Variants in RBFOX1 observed in about 807,000 individuals in gnomAD.
The protein encoded by RBFOX1 is RNA binding fox-1 homolog 1.
RBFOX1 carries 8 observed loss-of-function variants against 57.7 expected under a neutral mutation model. The observed-to-expected ratio is 0.14, with a 90% CI of 0.08 to 0.25. The LOEUF (loss-of-function observed/expected upper bound fraction) is 0.25. RBFOX1 is among the 10% of genes least tolerant of loss of function. RBFOX1 has a pLI of 1.00. For synonymous variants in RBFOX1, 326 were observed against 222.4 expected, an observed-to-expected ratio of 1.47 and a Z score of -4.15; for missense variants, 611 against 548.5, an observed-to-expected ratio of 1.11 and a Z score of -1.14.
chr16:6,710,407 C>A lies in RBFOX1; in HGVS notation c.-16+55757C>A, dbSNP rs945077453. 2.0e-5 allele frequency among the ~76,000 whole-genome samples: 3 copies of A among 152,094 alleles called. 1 individual carries two copies. In the East Asian group the frequency reaches 5.8e-4, roughly 29 times the overall value. ...AAGCATGATCATTTCAGCGTGTGATCAATATAAAAGATATTTTACATTCTT... is the reference window on the plus strand; with the variant it reads ...AAGCATGATCATTTCAGCGTGTGATAAATATAAAAGATATTTTACATTCTT... On this transcript the variant is annotated intron_variant, in intron 3 of 15. Coordinates refer to ENST00000550418, the MANE Select transcript of RBFOX1 (RefSeq NM_018723.4).
intron 4 of RBFOX1, among the ~76,000 whole-genome samples, chr16:7,447,422 G>C (rs1197121417): frequency 9.0e-6 from 1 of 110,698 alleles, no homozygotes; most frequent in Non-Finnish European, 1.7e-5. Context: ...AACCGAGTGA[G>C]TCTATCTCAA....
At chr16:5,725,619 G>C (rs2052119820) in intron 3 of RBFOX1, among the ~76,000 whole-genome samples, 1 of 151,278 alleles carries the variant, frequency 6.6e-6, no homozygotes, top group South Asian at 2.1e-4. Context: ...TTCTGCTTGA[G>C]TCTGCAAGAG....
intron 2 of RBFOX1, among the ~76,000 whole-genome samples, chr16:6,339,946 G>C (rs923080929): frequency 5.3e-5 from 8 of 151,940 alleles, no homozygotes; most frequent in African/African-American, 1.9e-4. Flanking sequence ...TAAAGTGCTG[G>C]GATTACAGGC....
chr16:5,415,474 G>A (rs1038967269), intron 1 of RBFOX1, among the ~76,000 whole-genome samples: 21 of 152,270 alleles, frequency 1.4e-4, no homozygotes, highest in South Asian at 6.2e-4. Flanking sequence ...CATATCACAC[G>A]GTGATGGAGC....
intron 10 of RBFOX1, among the ~76,000 whole-genome samples, chr16:7,629,362 A>G (rs1191325407): frequency 6.6e-6 from 1 of 152,146 alleles, no homozygotes; most frequent in Non-Finnish European, 1.5e-5. Context: ...GCATAGAACC[A>G]TTCCCTAGGG....
chr16:6,195,283 A>G (rs935489272), intron 1 of RBFOX1, among the ~76,000 whole-genome samples: 1 of 152,174 alleles, frequency 6.6e-6, no homozygotes, highest in East Asian at 1.9e-4. Context: ...GTCTTATTAT[A>G]GCATTTGTGC....
intron 4 of RBFOX1, among the ~76,000 whole-genome samples, chr16:5,892,255 C>T (rs377100655): frequency 9.9e-5 from 15 of 152,100 alleles, no homozygotes; most frequent in Admixed American, 2.0e-4. Context: ...AGAGACTTGG[C>T]GGGGTTGAGG....
At chr16:5,591,391 A>G (rs1442669354) in intron 2 of RBFOX1, among the ~76,000 whole-genome samples, 1 of 151,896 alleles carries the variant, frequency 6.6e-6, no homozygotes, top group African/African-American at 2.4e-5. Context: ...AGCTGGGACT[A>G]CAGGCACCCA....
chr16:6,447,190 G>C (rs964943893), intron 2 of RBFOX1, among the ~76,000 whole-genome samples: 4 of 152,060 alleles, frequency 2.6e-5, no homozygotes, highest in African/African-American at 7.2e-5. Flanking sequence ...TTTCCTATCT[G>C]TGTTTGTGTG....
chr16:6,345,623 C>T (rs1429598448), intron 2 of RBFOX1, among the ~76,000 whole-genome samples: 1 of 152,200 alleles, frequency 6.6e-6, no homozygotes, highest in Non-Finnish European at 1.5e-5. Flanking sequence ...ACATGGCAGA[C>T]ATAATCCTAG....
At chr16:7,051,792 C>G (rs2050176340) in intron 3 of RBFOX1, among the ~76,000 whole-genome samples, 1 of 152,118 alleles carries the variant, frequency 6.6e-6, no homozygotes, top group Admixed American at 6.5e-5. Context: ...TCATCCCAGG[C>G]AGATGCTGCC....
intron 3 of RBFOX1, among the ~76,000 whole-genome samples, chr16:5,782,093 C>T (rs2342733): frequency 0.31 from 47,199 of 152,086 alleles, 7,759 homozygotes; most frequent in East Asian, 0.55. Context: ...TGCCTGTAGT[C>T]CCAGCTACTT....
chr16:6,450,807 A>ATATGTG (rs2094587839), intron 2 of RBFOX1, among the ~76,000 whole-genome samples: 1 of 19,230 alleles, frequency 5.2e-5, no homozygotes, highest in African/African-American at 3.8e-4. Context: ...ATATGTATAT[A>ATATGTG]TATATATATA....
intron 3 of RBFOX1, among the ~76,000 whole-genome samples, chr16:6,973,758 C>T (rs1278596418): frequency 1.3e-5 from 2 of 152,138 alleles, no homozygotes; most frequent in East Asian, 1.9e-4. Flanking sequence ...ACTGTGTTAC[C>T]CATTAACCGG....
chr16:5,495,864 G>A (rs943507199), intron 2 of RBFOX1, among the ~76,000 whole-genome samples: 3 of 152,230 alleles, frequency 2.0e-5, no homozygotes, highest in Non-Finnish European at 2.9e-5. Context: ...GGTGGCTCAC[G>A]CCTGTAATCC....
At chr16:7,226,580 A>C (rs2093137035) in intron 4 of RBFOX1, among the ~76,000 whole-genome samples, 1 of 152,226 alleles carries the variant, frequency 6.6e-6, no homozygotes, top group South Asian at 2.1e-4. Context: ...AGGGGCCAAC[A>C]TCTGGGGGTT....
chr16:6,125,232 A>G (rs189722139), intron 1 of RBFOX1, among the ~76,000 whole-genome samples: 1 of 152,290 alleles, frequency 6.6e-6, no homozygotes, highest in Admixed American at 6.5e-5. Context: ...GTTCCCTACA[A>G]TTATTACAAT....
chr16:6,687,028 T>G (rs1420592966), intron 3 of RBFOX1, among the ~76,000 whole-genome samples: 1 of 152,238 alleles, frequency 6.6e-6, no homozygotes, highest in Non-Finnish European at 1.5e-5. Flanking sequence ...GTTAAACTCA[T>G]TTCAGAAATC....
At chr16:6,972,805 C>T (rs1221021421) in intron 3 of RBFOX1, among the ~76,000 whole-genome samples, 7 of 151,908 alleles carry the variant, frequency 4.6e-5, no homozygotes, top group Non-Finnish European at 2.9e-5. Flanking sequence ...AATTTCTGTT[C>T]AAATTCATAT....
Sources: allele counts gnomAD v4.1 joint callset (sites outside exome capture counted in the v4.1 genomes callset), GRCh38; gene constraint gnomAD v4.1.1; transcripts MANE v1.5; gene names NCBI Gene and HGNC (gene_info 2026-07-23, HGNC 2026-07-21).